Variants in MGAT4C observed in about 807,000 individuals in gnomAD.
MGAT4C encodes the protein alpha-1,3-mannosyl-glycoprotein 4-beta-N-acetylglucosaminyltransferase C.
A neutral mutation model predicts 40.1 loss-of-function variants in MGAT4C; 19 were observed. The ratio of observed to expected loss-of-function variants is 0.47; its 90% confidence interval spans 0.33 to 0.70. The LOEUF (loss-of-function observed/expected upper bound fraction) is 0.70. Ranked by LOEUF, MGAT4C falls within the 30% of genes least tolerant of loss-of-function variation. The pLI is 0.02. For synonymous variants in MGAT4C, 181 were observed against 187.1 expected, an observed-to-expected ratio of 0.97 and a Z score of 0.27; for missense variants, 491 against 563.2, an observed-to-expected ratio of 0.87 and a Z score of 1.30.
At chr12:86,393,339 A>G (rs1422646966) in intron 3 of MGAT4C, among the ~76,000 whole-genome samples, 2 of 152,188 alleles carry the variant, frequency 1.3e-5, no homozygotes, top group Non-Finnish European at 2.9e-5. Context: ...CATGATGTAA[A>G]AAAAAGATGT....
intron 2 of MGAT4C, among the ~76,000 whole-genome samples, chr12:86,528,730 G>A (rs1398803641): frequency 3.3e-5 from 5 of 151,926 alleles, no homozygotes; most frequent in Admixed American, 6.6e-5. Context: ...TATTCTTAAT[G>A]ATTTAAGACT....
chr12:86,138,506 G>GATATATCATA (rs1161438986), intron 1 of MGAT4C, among the ~76,000 whole-genome samples: 11,282 of 137,864 alleles, frequency 0.082, 800 homozygotes, highest in Middle Eastern at 0.22. Flanking sequence ...TATATATCAT[G>GATATATCATA]TATATATTTC....
intron 1 of MGAT4C, among the ~76,000 whole-genome samples, chr12:86,053,154 A>AG (rs1311364477): frequency 6.6e-6 from 1 of 151,422 alleles, no homozygotes; most frequent in Non-Finnish European, 1.5e-5. Flanking sequence ...AAATGAGGTG[A>AG]TTAGCCACGG....
chr12:86,373,723 T>C (rs1369740675), intron 3 of MGAT4C, among the ~76,000 whole-genome samples: 1 of 151,796 alleles, frequency 6.6e-6, no homozygotes, highest in Non-Finnish European at 1.5e-5. Context: ...AGAGCAGATA[T>C]GAATAGCTGC....
In MGAT4C at chr12:85,969,462, A is replaced by G. The variant is rs1388673381; in HGVS notation, c.*9827T>C. 1 of 151,686 alleles carries G rather than the reference A, an allele frequency of 6.6e-6. No individual in the cohort carries two copies. The highest frequency in any genetic ancestry group is 6.6e-5 in the Admixed American group (1 of 15,178). 9.4% of individuals were successfully genotyped at this position (151,686 alleles called of 1,614,324 possible). A position where few individuals can be genotyped will look rare whatever the true frequency, so the allele number is the denominator to read the frequency against. ...AAAGTTATAATTTTTGGAGTCTTTT[A>G]GTGTACCCAGAGCCCATGAGTTTTT... On this transcript the variant is annotated 3_prime_UTR_variant, in exon 5 of 5. Coordinates refer to ENST00000611864, the MANE Select transcript of MGAT4C (RefSeq NM_001351288.2).
At chr12:86,137,412 C>T (rs775130383) in intron 1 of MGAT4C, among the ~76,000 whole-genome samples, 12 of 152,294 alleles carry the variant, frequency 7.9e-5, no homozygotes, top group Admixed American at 3.9e-4. Context: ...CTTCTACTGA[C>T]CTTACTGAGA....
intron 4 of MGAT4C, among the ~76,000 whole-genome samples, chr12:86,324,993 G>C (rs556057594): frequency 6.6e-6 from 1 of 151,896 alleles, no homozygotes; most frequent in Non-Finnish European, 1.5e-5. Context: ...CTGTTACTTG[G>C]TATAAAATAA....
intron 2 of MGAT4C, among the ~76,000 whole-genome samples, chr12:86,577,390 T>TA (rs2136429317): frequency 6.6e-6 from 1 of 151,964 alleles, no homozygotes; most frequent in South Asian, 2.1e-4. Flanking sequence ...CTCCAGAACT[T>TA]AGAGGAAAAG....
chr12:86,507,564 G>A (rs1958492305), intron 2 of MGAT4C, among the ~76,000 whole-genome samples: 1 of 152,200 alleles, frequency 6.6e-6, no homozygotes, highest in African/African-American at 2.4e-5. Context: ...GTCCAAAGCA[G>A]ATTAGAGACA....
chr12:86,417,579 G>A (rs1265061181), intron 3 of MGAT4C, among the ~76,000 whole-genome samples: 1 of 152,056 alleles, frequency 6.6e-6, no homozygotes, highest in Non-Finnish European at 1.5e-5. Context: ...CCCTGACTGT[G>A]AATGTGGGTA....
chr12:86,107,498 C>T (rs920443414), intron 1 of MGAT4C, among the ~76,000 whole-genome samples: 4 of 151,906 alleles, frequency 2.6e-5, no homozygotes, highest in East Asian at 1.9e-4. Flanking sequence ...AAATATAAAA[C>T]GTATATGCTC....
intron 2 of MGAT4C, among the ~76,000 whole-genome samples, chr12:85,996,116 G>C (rs1479411760): frequency 6.6e-6 from 1 of 151,768 alleles, no homozygotes; most frequent in African/African-American, 2.4e-5. Flanking sequence ...TTTAAATCAT[G>C]GACAATATGG....
chr12:86,539,776 G>C (rs1195678069), intron 2 of MGAT4C, among the ~76,000 whole-genome samples: 1 of 152,180 alleles, frequency 6.6e-6, no homozygotes, highest in African/African-American at 2.4e-5. Context: ...GGCCAGTTAT[G>C]ATGAGCATTT....
chr12:86,607,785 G>T (rs1389844820), intron 2 of MGAT4C, among the ~76,000 whole-genome samples: 4 of 152,122 alleles, frequency 2.6e-5, no homozygotes, highest in African/African-American at 9.7e-5. Context: ...CTCAATCCAT[G>T]AGGTTTGCCT....
chr12:86,415,581 T>A (rs1424627225), intron 3 of MGAT4C, among the ~76,000 whole-genome samples: 3 of 151,998 alleles, frequency 2.0e-5, no homozygotes, highest in Non-Finnish European at 4.4e-5. Context: ...CACAATGGAT[T>A]CATCATAAAT....
At chr12:86,035,843 C>T (rs1260712684) in intron 2 of MGAT4C, among the ~76,000 whole-genome samples, 2 of 149,820 alleles carry the variant, frequency 1.3e-5, no homozygotes. Flanking sequence ...AATCCTTTCC[C>T]CATTGCTTGT....
intron 3 of MGAT4C, among the ~76,000 whole-genome samples, chr12:86,392,353 T>G (rs536092654): frequency 1.3e-5 from 2 of 152,188 alleles, no homozygotes; most frequent in African/African-American, 4.8e-5. Context: ...GCACCTGTAA[T>G]CCTAGCTACT....
chr12:86,227,348 T>G (rs1951132231), intron 1 of MGAT4C, among the ~76,000 whole-genome samples: 1 of 151,920 alleles, frequency 6.6e-6, no homozygotes, highest in Non-Finnish European at 1.5e-5. Context: ...TTAGCTCTGT[T>G]GCTAAGGTCC....
At chr12:86,440,172 A>G (rs1957202102) in intron 2 of MGAT4C, among the ~76,000 whole-genome samples, 1 of 152,012 alleles carries the variant, frequency 6.6e-6, no homozygotes, top group Non-Finnish European at 1.5e-5. Context: ...ACATAAAAAC[A>G]ACAACAAAAA....
Sources: allele counts gnomAD v4.1 joint callset (sites outside exome capture counted in the v4.1 genomes callset), GRCh38; gene constraint gnomAD v4.1.1; transcripts MANE v1.5; gene names NCBI Gene and HGNC (gene_info 2026-07-23, HGNC 2026-07-21).